Variants in SMCO4 observed in about 807,000 individuals in gnomAD.
SMCO4 encodes single-pass membrane protein with coiled-coil domains 4, also known as single-pass membrane and coiled-coil domain-containing protein 4.
Under a neutral mutation model 3.6 loss-of-function variants are expected in SMCO4, and 4 were observed. The ratio of observed to expected loss-of-function variants is 1.11; its 90% CI spans 0.54 to 2.53. The LOEUF is 2.53. Among genes scored for constraint, SMCO4 ranks in the 30% most tolerant of loss-of-function variants. SMCO4 has a pLI of 0.02. For missense variants in SMCO4, 70 were observed against 80.8 expected (o/e 0.87, Z 0.51); for synonymous variants, 36 against 35.3 (o/e 1.02, Z -0.07).
At chr11:93,547,655 T>C (rs1949323842), upstream of SMCO4, among the ~76,000 whole-genome samples, 1 of 152,236 alleles carries the variant, frequency 6.6e-6, no homozygotes, top group African/African-American at 2.4e-5. Context: ...AATAAATATG[T>C]ATTAAATCAA....
At chr11:93,484,232 C>A (rs533145285) in intron 2 of SMCO4, among the ~76,000 whole-genome samples, 1 of 152,332 alleles carries the variant, frequency 6.6e-6, no homozygotes, top group South Asian at 2.1e-4. Flanking sequence ...GGGACGCATT[C>A]TTCAGCACAG....
At chr11:93,535,680 G>C in intron 1 of SMCO4, 1 of 1,612,044 alleles carries the variant, frequency 6.2e-7, no homozygotes, top group Non-Finnish European at 8.5e-7. Context: ...GCACAGTGGT[G>C]AGCTCCGAGG....
At chr11:93,512,230 T>C (rs1427491025) in intron 1 of SMCO4, among the ~76,000 whole-genome samples, 1 of 152,232 alleles carries the variant, frequency 6.6e-6, no homozygotes, top group African/African-American at 2.4e-5. Flanking sequence ...CACATAATGA[T>C]GTTCTGGTGA....
intron 2 of SMCO4, among the ~76,000 whole-genome samples, chr11:93,482,374 T>C (rs1948601990): frequency 6.6e-6 from 1 of 152,214 alleles, no homozygotes; most frequent in African/African-American, 2.4e-5. Flanking sequence ...GTGAGGATGC[T>C]TCTTAGACAT....
intron 2 of SMCO4, among the ~76,000 whole-genome samples, chr11:93,485,173 G>C (rs898718733): frequency 3.9e-5 from 6 of 152,144 alleles, no homozygotes; most frequent in Admixed American, 3.3e-4. Flanking sequence ...TGAGTAGCTG[G>C]CATTATACTT....
chr11:93,499,939 AT>A (rs1948818427), intron 1 of SMCO4, among the ~76,000 whole-genome samples: 3 of 152,354 alleles, frequency 2.0e-5, no homozygotes, highest in African/African-American at 7.2e-5. Flanking sequence ...CCTCAGTGGC[AT>A]TAAATATTAA....
intron 1 of SMCO4, among the ~76,000 whole-genome samples, chr11:93,524,528 G>C (rs1422274787): frequency 1.3e-5 from 2 of 152,064 alleles, no homozygotes; most frequent in African/African-American, 4.8e-5. Flanking sequence ...CACTCCCTGG[G>C]AGCACTGGAC....
chr11:93,479,264 A>G lies in SMCO4; in HGVS notation c.-75T>C. 6.4e-7 allele frequency: 1 copy of G among 1,558,486 alleles called. No homozygotes were observed. The highest frequency in any genetic ancestry group is 1.8e-4 in the Middle Eastern group (1 of 5,456). On this transcript the variant is annotated 5_prime_UTR_variant, in exon 3 of 3. Transcript: ENST00000298966. ...GCCACACTCCTCTTGCCAAGGCTGGAACCTCCTGTAGAGAGAACAACTGTG... is the reference window on the plus strand; with the variant it reads ...GCCACACTCCTCTTGCCAAGGCTGGGACCTCCTGTAGAGAGAACAACTGTG...
At chr11:93,485,573 G>A (rs1191413404) in intron 2 of SMCO4, among the ~76,000 whole-genome samples, 1 of 152,166 alleles carries the variant, frequency 6.6e-6, no homozygotes, top group Non-Finnish European at 1.5e-5. Flanking sequence ...CTGACTGGCA[G>A]CTACTGCCTA....
At chr11:93,495,362 G>A (rs1948761774) in intron 2 of SMCO4, among the ~76,000 whole-genome samples, 1 of 151,936 alleles carries the variant, frequency 6.6e-6, no homozygotes, top group Admixed American at 6.6e-5. Flanking sequence ...ATTACCTTGG[G>A]GAAGGCCTGA....
chr11:93,519,308 C>T (rs1295112727), intron 1 of SMCO4, among the ~76,000 whole-genome samples: 8 of 152,138 alleles, frequency 5.3e-5, no homozygotes, highest in Admixed American at 5.2e-4. Context: ...ATCTGAAGAA[C>T]ACAGAAAGTG....
chr11:93,496,958 T>G (rs1022056912), intron 2 of SMCO4, among the ~76,000 whole-genome samples: 1 of 152,114 alleles, frequency 6.6e-6, no homozygotes, highest in African/African-American at 2.4e-5. Context: ...AGGTTAGAAT[T>G]TCCCACAGGA....
chr11:93,488,449 C>T (rs946130981), intron 2 of SMCO4, among the ~76,000 whole-genome samples: 5 of 152,190 alleles, frequency 3.3e-5, no homozygotes. Flanking sequence ...TCAGGTAAAA[C>T]TTAATGTTCC....
At chr11:93,510,462 A>AT (rs1341919014) in intron 1 of SMCO4, among the ~76,000 whole-genome samples, 1 of 152,214 alleles carries the variant, frequency 6.6e-6, no homozygotes, top group African/African-American at 2.4e-5. Flanking sequence ...GAAAGAAGAG[A>AT]TTTTTAAAAA....
intron 1 of SMCO4, among the ~76,000 whole-genome samples, chr11:93,529,068 T>C (rs1949139138): frequency 6.6e-6 from 1 of 152,132 alleles, no homozygotes; most frequent in Non-Finnish European, 1.5e-5. Context: ...CTGTTCTAAC[T>C]ATAACAAGGA....
chr11:93,486,175 C>T (rs1241415121), intron 2 of SMCO4, among the ~76,000 whole-genome samples: 1 of 152,196 alleles, frequency 6.6e-6, no homozygotes, highest in Non-Finnish European at 1.5e-5. Context: ...CTCACAGCAG[C>T]CTTCATCCCC....
intron 1 of SMCO4, among the ~76,000 whole-genome samples, chr11:93,517,549 C>T (rs1373228764): frequency 6.6e-6 from 1 of 152,156 alleles, no homozygotes; most frequent in Admixed American, 6.5e-5. Flanking sequence ...AAATCAACTC[C>T]AATTTCTCTA....
intron 1 of SMCO4, among the ~76,000 whole-genome samples, chr11:93,516,016 T>C (rs1426874484): frequency 6.6e-6 from 1 of 152,190 alleles, no homozygotes; most frequent in Non-Finnish European, 1.5e-5. Flanking sequence ...CTGCTTCACA[T>C]TCATTTGGGG....
chr11:93,527,229 T>C (rs775726773), intron 1 of SMCO4, among the ~76,000 whole-genome samples: 2 of 152,222 alleles, frequency 1.3e-5, no homozygotes, highest in Non-Finnish European at 2.9e-5. Flanking sequence ...AGAGTGATCA[T>C]GGACTCCAAC....
Sources: allele counts gnomAD v4.1 joint callset (sites outside exome capture counted in the v4.1 genomes callset), GRCh38; gene constraint gnomAD v4.1.1; transcripts MANE v1.5; gene names NCBI Gene and HGNC (gene_info 2026-07-23, HGNC 2026-07-21).